XPOT: variants seen among roughly 807,000 people sequenced by gnomAD.
XPOT encodes the protein exportin for tRNA, also known as exportin-T.
In XPOT, 34 loss-of-function variants were observed where a neutral mutation model predicts 128.2. The ratio of observed to expected loss-of-function variants is 0.27; its 90% CI spans 0.20 to 0.35. XPOT has a LOEUF of 0.35. Ranked by LOEUF, XPOT falls within the 10% of genes least tolerant of loss-of-function variation. The pLI, the probability that XPOT is intolerant of heterozygous loss-of-function variation, is 1.00. For synonymous variants in XPOT, 348 were observed against 394.3 expected (o/e 0.88, Z 1.39); for missense variants, 838 against 1,125.3 (o/e 0.74, Z 3.65).
intron 24 of XPOT, among the ~76,000 whole-genome samples, chr12:64,447,287 T>C (rs1203922992): frequency 6.6e-6 from 1 of 152,202 alleles, no homozygotes; most frequent in Non-Finnish European, 1.5e-5. Flanking sequence ...CACTGAATTA[T>C]GTCTGGTGCT....
chr12:64,410,824 A>G (rs2040031513), intron 2 of XPOT, among the ~76,000 whole-genome samples: 1 of 115,572 alleles, frequency 8.7e-6, no homozygotes, highest in African/African-American at 3.4e-5. Flanking sequence ...AAAAATATAA[A>G]GAATGAGCCT....
intron 23 of XPOT, 21 bp downstream of exon 23, chr12:64,439,336 T>C (rs2040306956): frequency 1.2e-6 from 2 of 1,604,766 alleles, no homozygotes; most frequent in Non-Finnish European, 1.7e-6. Context: ...TTTCTTACCA[T>C]TGTGTAGGCG....
Position 64,434,786 on chromosome 12 carries a change from C to T in XPOT, c.2570-8C>T. The T allele has an allele frequency of 6.2e-7, 1 of 1,610,346 alleles. No individual in the cohort carries two copies. Among genetic ancestry groups the T allele is most frequent in the Non-Finnish European group, 8.5e-7 (1 of 1,178,852 alleles). ...TATATAAGATGAAAATTTGAATTCT[C>T]TTGACAGGAGGTAAAGATGGACCAG... On this transcript the variant is annotated splice_region_variant and splice_polypyrimidine_tract_variant and intron_variant, in intron 20 of 24. Transcript: ENST00000332707.
intron 15 of XPOT, among the ~76,000 whole-genome samples, chr12:64,427,154 T>C (rs1291914516): frequency 6.6e-6 from 1 of 150,382 alleles, no homozygotes; most frequent in African/African-American, 2.4e-5. Flanking sequence ...ATTTTCGTTC[T>C]TGTTGCCCAG....
At chr12:64,413,199 C>G (rs1011502317) in intron 2 of XPOT, among the ~76,000 whole-genome samples, 1 of 152,188 alleles carries the variant, frequency 6.6e-6, no homozygotes. Flanking sequence ...ACCCCGAAGT[C>G]TCTAGTGATC....
chr12:64,417,942 G>T, intron 4 of XPOT, 104 bp from the exon 5 acceptor site: 1 of 772,766 alleles, frequency 1.3e-6, no homozygotes. Context: ...TCAGATAATT[G>T]AGAGCTATAC....
At chr12:64,433,631 T>C (rs2136031297) in intron 19 of XPOT, 28 bp downstream of exon 19, 1 of 1,553,534 alleles carries the variant, frequency 6.4e-7, no homozygotes, top group East Asian at 2.3e-5. Flanking sequence ...ATCTAATTTG[T>C]CTGCTTAAGT....
At chr12:64,433,724 G>C in intron 19 of XPOT, 121 bp downstream of exon 19, 1 of 928,462 alleles carries the variant, frequency 1.1e-6, no homozygotes, top group Non-Finnish European at 1.5e-6. Context: ...CCCATGGGAA[G>C]ACAGTTTATT....
chr12:64,430,302 A>G lies in XPOT; in HGVS notation c.1976+15A>G, dbSNP rs755913619. On this transcript the variant is annotated intron_variant, in intron 17 of 24. Coordinates refer to ENST00000332707, the MANE Select transcript of XPOT (RefSeq NM_007235.6). Reference sequence around the variant, plus strand: ...GGATTTGCAAGGTAAGTGTGATCACAGTTAAAATTATAAAGTGCATGTATC... The same window carrying G: ...GGATTTGCAAGGTAAGTGTGATCACGGTTAAAATTATAAAGTGCATGTATC... 1 of 1,535,148 alleles carries G rather than the reference A, an allele frequency of 6.5e-7. No homozygotes were observed. Among genetic ancestry groups the G allele is most frequent in the Non-Finnish European group, 8.7e-7 (1 of 1,144,478 alleles).
chr12:64,440,471 TACCC>T (rs1349592339), intron 23 of XPOT, among the ~76,000 whole-genome samples: 1 of 152,228 alleles, frequency 6.6e-6, no homozygotes, highest in African/African-American at 2.4e-5. Flanking sequence ...TTTAGATAAA[TACCC>T]AGAAGTGGGA....
intron 22 of XPOT, among the ~76,000 whole-genome samples, chr12:64,438,925 G>A (rs532201120): frequency 3.1e-4 from 47 of 152,182 alleles, no homozygotes; most frequent in Middle Eastern, 3.4e-3. Context: ...CACTGCACCC[G>A]GCCAAGAACC....
At chr12:64,417,794 G>A (rs894989388) in intron 4 of XPOT, among the ~76,000 whole-genome samples, 6 of 152,092 alleles carry the variant, frequency 3.9e-5, no homozygotes, top group Non-Finnish European at 8.8e-5. Flanking sequence ...ATTTTCATTC[G>A]AAAAATTGTG....
At chr12:64,435,931 C>T (rs1352768596) in intron 22 of XPOT, among the ~76,000 whole-genome samples, 1 of 152,010 alleles carries the variant, frequency 6.6e-6, no homozygotes, top group African/African-American at 2.4e-5. Flanking sequence ...GGCTTCTTCA[C>T]TACCAGATTT....
chr12:64,427,589 C>G (rs1315915617), intron 15 of XPOT, among the ~76,000 whole-genome samples: 1 of 152,060 alleles, frequency 6.6e-6, no homozygotes, highest in African/African-American at 2.4e-5. Flanking sequence ...TCAACCTCCT[C>G]AGGCTCAGGT....
intron 16 of XPOT, 120 bp downstream of exon 16, chr12:64,428,240 A>C (rs777907668): frequency 7.7e-6 from 5 of 649,862 alleles, no homozygotes; most frequent in Non-Finnish European, 1.0e-5. Context: ...GTGTATGTGC[A>C]AAGATTAGTT....
At position 64,431,635 on chromosome 12, in the gene XPOT, A is replaced by G; in HGVS notation, c.2074A>G (p.Ser692Gly). Residue 692 changes from serine to glycine, a missense_variant, in exon 18 of 25, where the codon AGT (serine) becomes GGT (glycine). Physicochemically the swap from Ser to Gly is moderately conservative, Grantham distance 56. Coordinates refer to ENST00000332707, the MANE Select transcript of XPOT (RefSeq NM_007235.6). ...DCLQTFLPAL[S>G]CPLQKDILRS... ...TTTACAGACATTCTTGCCAGCCCTC[A>G]GTTGTCCCTTACAAAAGGATATTCT... 1 of 1,613,962 alleles carries G rather than the reference A, an allele frequency of 6.2e-7. No individual in the cohort carries two copies. Among genetic ancestry groups the G allele is most frequent in the Non-Finnish European group, 8.5e-7 (1 of 1,179,852 alleles).
rs1307878190 is a variant in XPOT, at chr12:64,427,150, G to A, written c.1668-901G>A. ...TTTTTTTTTTTTGAGACAGATTTTC[G>A]TTCTTGTTGCCCAGGCTGGAGTACA... is the stretch of plus-strand genomic sequence containing the variant. On this transcript the variant is annotated intron_variant, in intron 15 of 24. Transcript: ENST00000332707. Among the ~76,000 whole-genome samples the A allele has an allele frequency of 7.5e-5, 9 of 120,742 alleles. 1 individual carries two copies. The Admixed American group carries it at 8.7e-4, about 12-fold the overall frequency. The allele number at this position is 120,742 out of a possible 152,430, so 79.2% of individuals were successfully genotyped here. A position where few individuals can be genotyped will look rare whatever the true frequency, so the allele number is the denominator to read the frequency against.
chr12:64,442,674 T>C (rs1334466026), intron 23 of XPOT: 1 of 152,434 alleles, frequency 6.6e-6, no homozygotes, highest in Non-Finnish European at 1.5e-5. Flanking sequence ...CCTGCTCTCC[T>C]TTCTTGTGTC....
Position 64,414,790 on chromosome 12 carries a change from T to C in XPOT, c.61-117T>C, listed in dbSNP as rs955075961. 2.4e-5 allele frequency: 15 copies of C among 614,644 alleles called. No individual in the cohort carries two copies. The African/African-American group carries it at 2.5e-4, about 10-fold the overall frequency. 38.1% of individuals were successfully genotyped at this position (614,644 alleles called of 1,614,324 possible). A position where few individuals can be genotyped will look rare whatever the true frequency, so the allele number is the denominator to read the frequency against. On this transcript the variant is annotated intron_variant, in intron 2 of 24. Coordinates refer to ENST00000332707, the MANE Select transcript of XPOT (RefSeq NM_007235.6). The stretch of plus-strand genomic sequence containing the variant: ...CCTGCATTTAATGTTTTAACTGTTT[T>C]TCTATTAAGTTTACTGATTTGTTAT...
Sources: gnomAD v4.1 joint callset for allele counts (sites outside exome capture counted in the v4.1 genomes callset) on GRCh38, gnomAD v4.1.1 for gene constraint, MANE v1.5 for transcripts, NCBI Gene and HGNC (gene_info 2026-07-23, HGNC 2026-07-21) for gene names.